Variants in STOX2 observed in about 807,000 individuals in gnomAD.
STOX2 encodes the protein storkhead-box protein 2.
Under a neutral mutation model 60.9 loss-of-function variants are expected in STOX2, and 28 were observed. The observed-to-expected ratio is 0.46, with a 90% CI of 0.34 to 0.63. STOX2 has a LOEUF of 0.63. Among genes scored for constraint, STOX2 ranks in the 30% least tolerant of loss-of-function variants. The pLI is 0.01. For missense variants in STOX2, 1,024 were observed against 1,187.7 expected, an observed-to-expected ratio of 0.86 and a Z score of 2.03; for synonymous variants, 472 against 463.9, an observed-to-expected ratio of 1.02 and a Z score of -0.22.
intron 1 of STOX2, among the ~76,000 whole-genome samples, chr4:183,826,703 G>A (rs751573968): frequency 2.6e-5 from 4 of 152,212 alleles, no homozygotes; most frequent in Non-Finnish European, 2.9e-5. Context: ...CAGGGTTTGC[G>A]GAGGCTTAAG....
intron 1 of STOX2, among the ~76,000 whole-genome samples, chr4:183,998,249 C>G (rs1380121025): frequency 6.6e-6 from 1 of 152,200 alleles, no homozygotes; most frequent in Non-Finnish European, 1.5e-5. Flanking sequence ...GATCCTGTCC[C>G]TCTTTGCCAG....
chr4:183,976,905 G>A (rs1267729463), intron 1 of STOX2, among the ~76,000 whole-genome samples: 3 of 152,192 alleles, frequency 2.0e-5, no homozygotes, highest in African/African-American at 7.2e-5. Flanking sequence ...AAAACTGCCT[G>A]TTTGCAAACA....
intron 1 of STOX2, among the ~76,000 whole-genome samples, chr4:183,807,133 C>A (rs996673431): frequency 2.6e-5 from 4 of 152,052 alleles, no homozygotes; most frequent in African/African-American, 9.7e-5. Context: ...CCACCACGCC[C>A]AGCTAATTTT....
intron 1 of STOX2, among the ~76,000 whole-genome samples, chr4:183,952,045 C>T (rs945754939): frequency 3.9e-5 from 6 of 152,162 alleles, no homozygotes; most frequent in Non-Finnish European, 8.8e-5. Context: ...GTTTTGTTTG[C>T]GGTGAGATAA....
chr4:184,011,128 G>A lies in STOX2; in HGVS notation c.2290G>A (p.Gly764Arg), dbSNP rs1308215363. 1 of 1,579,746 alleles carries A rather than the reference G, an allele frequency of 6.3e-7. No individual in the cohort carries two copies. Among genetic ancestry groups the A allele is most frequent in the Non-Finnish European group, 8.6e-7 (1 of 1,165,418 alleles). ...TGCTTCCCAGCGTCAGCAGGAGTCA[G>A]GAGGGAACCAGGAAGCCTCTTTTGA... ...MPASQRQQES[G>R]GNQEASFDYY... The change falls in exon 3 of 4, where the codon GGA (glycine) becomes AGA (arginine). Residue 764 changes from glycine (G) to arginine (R), a missense_variant. By Grantham distance (125) the Gly-to-Arg change is moderately radical (BLOSUM62 -2). This residue lies in a region of STOX2 where 922 missense variants were observed against 1,058.3 expected (regional missense o/e 0.87). Transcript: ENST00000308497. This position sits in a 1 kb window ranked among gnomAD's most constrained non-coding sequence, Gnocchi z 4.4.
At chr4:184,007,589 G>T (rs1733929553) in intron 2 of STOX2, among the ~76,000 whole-genome samples, 1 of 152,180 alleles carries the variant, frequency 6.6e-6, no homozygotes, top group Non-Finnish European at 1.5e-5. Context: ...TGCCTAAGGT[G>T]GTACCAGCTG....
intron 1 of STOX2, among the ~76,000 whole-genome samples, chr4:183,872,356 A>T (rs1044719464): frequency 6.6e-6 from 1 of 152,080 alleles, no homozygotes; most frequent in Non-Finnish European, 1.5e-5. Flanking sequence ...GTGCCCGGCC[A>T]AGTGGAACCA....
intron 2 of STOX2, among the ~76,000 whole-genome samples, chr4:184,003,648 C>T (rs1297290771): frequency 6.6e-6 from 1 of 152,258 alleles, no homozygotes; most frequent in Non-Finnish European, 1.5e-5. Flanking sequence ...TATTGGAACA[C>T]AGCCGTGCCC....
At chr4:183,877,978 C>T (rs919261324) in intron 1 of STOX2, among the ~76,000 whole-genome samples, 2 of 152,172 alleles carry the variant, frequency 1.3e-5, no homozygotes, top group African/African-American at 2.4e-5. Flanking sequence ...GTGTGAGCCA[C>T]AGTACCTGGC....
chr4:183,951,226 A>C (rs953594813), intron 1 of STOX2, among the ~76,000 whole-genome samples: 2 of 147,546 alleles, frequency 1.4e-5, no homozygotes, highest in African/African-American at 5.0e-5. Context: ...AAAAAAAAGA[A>C]AAAAAAAAAA....
rs1454372252 is a variant in STOX2 at position 183,799,837 on chromosome 4, T to C, written c.364+1782T>C. 2.6e-5 allele frequency among the ~76,000 whole-genome samples: 4 copies of C among 152,348 alleles called. No individual in the cohort carries two copies. The East Asian group carries it at 5.8e-4, about 22-fold the overall frequency. ...AATTTTTAAAGGTTCCAAATTGCTCTAATTGGTTGACTGTTGCCCTGACCT... is the reference window on the plus strand; with the variant it reads ...AATTTTTAAAGGTTCCAAATTGCTCCAATTGGTTGACTGTTGCCCTGACCT... On this transcript the variant is annotated intron_variant, in intron 1 of 2. Transcript: ENST00000513034.
At chr4:183,842,418 T>C (rs1479373131) in intron 1 of STOX2, among the ~76,000 whole-genome samples, 1 of 152,226 alleles carries the variant, frequency 6.6e-6, no homozygotes. Flanking sequence ...TGTTAATGGC[T>C]CATTAGTTAT....
chr4:183,928,569 T>A (rs980147733), intron 1 of STOX2, among the ~76,000 whole-genome samples: 1 of 152,104 alleles, frequency 6.6e-6, no homozygotes, highest in Non-Finnish European at 1.5e-5. Flanking sequence ...ACTTGCAATT[T>A]TGCTGAGGCA....
chr4:183,800,329 G>A (rs1310135693), intron 1 of STOX2, among the ~76,000 whole-genome samples: 2 of 152,078 alleles, frequency 1.3e-5, no homozygotes, highest in East Asian at 1.9e-4. Flanking sequence ...GGGCCGGGGC[G>A]GTGATATGGG....
Position 183,806,944 on chromosome 4 carries a change from G to A in STOX2, c.364+8889G>A, listed in dbSNP as rs567540218. Among the ~76,000 whole-genome samples, 35 of 151,248 alleles carry A rather than the reference G, an allele frequency of 2.3e-4. No homozygotes were observed. Among genetic ancestry groups the A allele is most frequent in the Admixed American group, 6.6e-4 (10 of 15,136 alleles). On this transcript the variant is annotated intron_variant, in intron 1 of 2. Transcript: ENST00000513034. This position sits in a 1 kb window ranked among gnomAD's most constrained non-coding sequence, Gnocchi z 4.1. ...GCCCCCATGCCTGGAGGGGGCCTTT[G>A]TGAGTCCCAGATGCTTTCTGACACT...
At chr4:183,983,932 C>A (rs1431803278) in intron 1 of STOX2, among the ~76,000 whole-genome samples, 1 of 152,208 alleles carries the variant, frequency 6.6e-6, no homozygotes, top group Non-Finnish European at 1.5e-5. Context: ...GCATGAGCCA[C>A]CGTGCGCCAT....
At position 184,009,135 on chromosome 4, in the gene STOX2, G is replaced by GT. The variant is rs780395991; in HGVS notation, c.320-23_320-22insT. 418 of 1,001,038 alleles carry GT rather than the reference G, an allele frequency of 4.2e-4. 2 individuals carry two copies. The Admixed American group carries it at 4.7e-3, about 11-fold the overall frequency. 62.0% of individuals were successfully genotyped at this position (1,001,038 alleles called of 1,614,324 possible). ...ATGTTCTGTCTTCATTCTCACAAGT[G>GT]GTTTTTTTTTTTTTTTTTTCAGGTG... On this transcript the variant is annotated intron_variant, in intron 2 of 3. Transcript: ENST00000308497. This position sits in a 1 kb window ranked among gnomAD's most constrained non-coding sequence, Gnocchi z 4.0.
At chr4:183,973,905 A>T (rs1396308837) in intron 1 of STOX2, among the ~76,000 whole-genome samples, 1 of 152,204 alleles carries the variant, frequency 6.6e-6, no homozygotes, top group African/African-American at 2.4e-5. Context: ...GAGGCAGGAG[A>T]ATTGCTTTAA....
At chr4:183,871,893 G>A (rs964989385) in intron 1 of STOX2, among the ~76,000 whole-genome samples, 2 of 152,024 alleles carry the variant, frequency 1.3e-5, no homozygotes, top group Non-Finnish European at 2.9e-5. Context: ...GGGTTTGTAA[G>A]AGAGATAGAG....
Sources: gnomAD v4.1 joint callset for allele counts (sites outside exome capture counted in the v4.1 genomes callset) on GRCh38, gnomAD v4.1.1 for gene constraint, gnomAD v4.1.1 regional missense constraint, Gnocchi (gnomAD v3.1) non-coding constraint, MANE v1.5 for transcripts, NCBI Gene and HGNC (gene_info 2026-07-23, HGNC 2026-07-21) for gene names.